RAD54L2: variants seen among roughly 807,000 people sequenced by gnomAD.
RAD54L2 encodes the protein helicase ARIP4.
A neutral mutation model predicts 138.4 loss-of-function variants in RAD54L2; 27 were observed. That is an observed-to-expected ratio of 0.20 (90% confidence interval 0.14 to 0.27). The LOEUF is 0.27. Ranked by LOEUF, RAD54L2 falls within the 10% of genes least tolerant of loss-of-function variation. RAD54L2 has a pLI of 1.00. For missense variants in RAD54L2, 1,396 were observed against 1,890.2 expected (o/e 0.74, Z 4.85); for synonymous variants, 644 against 723.2 (o/e 0.89, Z 1.76).
intron 3 of RAD54L2, among the ~76,000 whole-genome samples, chr3:51,626,161 C>T (rs1700674902): frequency 1.3e-5 from 2 of 152,028 alleles, no homozygotes; most frequent in Admixed American, 6.6e-5. Context: ...ATGGCATTGT[C>T]TAGAGCACCT....
intron 2 of RAD54L2, among the ~76,000 whole-genome samples, chr3:51,549,325 G>A (rs1206169545): frequency 6.6e-6 from 1 of 152,258 alleles, no homozygotes; most frequent in African/African-American, 2.4e-5. Flanking sequence ...AGAGCTGGCT[G>A]CTGGAGGAAC....
At chr3:51,550,326 C>T (rs919530747) in intron 2 of RAD54L2, among the ~76,000 whole-genome samples, 2 of 152,176 alleles carry the variant, frequency 1.3e-5, no homozygotes, top group Non-Finnish European at 2.9e-5. Context: ...ACCATACTTT[C>T]GTCATCCAGT....
chr3:51,566,143 G>A (rs1255494221), intron 2 of RAD54L2, among the ~76,000 whole-genome samples: 1 of 152,148 alleles, frequency 6.6e-6, no homozygotes, highest in African/African-American at 2.4e-5. Context: ...CTCCCTTTAT[G>A]TCTAGTAGTT....
chr3:51,578,669 A>G (rs1368098686), intron 2 of RAD54L2, among the ~76,000 whole-genome samples: 3 of 152,096 alleles, frequency 2.0e-5, no homozygotes, highest in Non-Finnish European at 2.9e-5. Flanking sequence ...TGGGTGCAGG[A>G]GCTGGGGCTA....
At chr3:51,650,048 G>A (rs563049835) in intron 19 of RAD54L2, among the ~76,000 whole-genome samples, 11 of 147,468 alleles carry the variant, frequency 7.5e-5, no homozygotes, top group South Asian at 4.2e-4. Context: ...CCCATCTCAC[G>A]TGCAGAGACA....
At position 51,584,250 on chromosome 3, in the gene RAD54L2, G is replaced by A. The variant is rs144782513; in HGVS notation, c.-54-6117G>A. Among the ~76,000 whole-genome samples the A allele has an allele frequency of 1.6e-3, 251 of 152,256 alleles. 2 individuals carry two copies. Among genetic ancestry groups the A allele is most frequent in the African/African-American group, 5.8e-3 (239 of 41,560 alleles). On this transcript the variant is annotated intron_variant, in intron 2 of 22. Transcript: ENST00000684192. ...TCTTTTGGAGGTAGTTGTCTCCTGT[G>A]GAGAGAGTTGTCTTCTGTGGCCCTG... is the stretch of plus-strand genomic sequence containing the variant.
intron 2 of RAD54L2, among the ~76,000 whole-genome samples, chr3:51,577,219 A>G (rs1425354914): frequency 6.6e-6 from 1 of 152,292 alleles, no homozygotes; most frequent in East Asian, 1.9e-4. Context: ...ACAGTTTGTT[A>G]TAATTTCTGT....
chr3:51,576,187 G>A (rs2106676618), intron 2 of RAD54L2, among the ~76,000 whole-genome samples: 1 of 152,278 alleles, frequency 6.6e-6, no homozygotes, highest in South Asian at 2.1e-4. Context: ...TTGCATCCCA[G>A]GGATGAAACC....
intron 2 of RAD54L2, among the ~76,000 whole-genome samples, chr3:51,574,221 A>G (rs1390816565): frequency 6.6e-6 from 1 of 152,298 alleles, no homozygotes; most frequent in East Asian, 1.9e-4. Flanking sequence ...TATGTGTACC[A>G]CATTCTCTTA....
In RAD54L2 at chr3:51,663,432, C is replaced by T; in HGVS notation, c.*12C>T. On this transcript the variant is annotated 3_prime_UTR_variant, in exon 23 of 23. Coordinates refer to ENST00000684192, the MANE Select transcript of RAD54L2 (RefSeq NM_015106.4). ...TCACTGGGAAATAGCTAGGGAGCCC[C>T]TCCCCACCTCACTTGGGGCCCCCAG... 6.2e-7 allele frequency: 1 copy of T among 1,603,112 alleles called. No homozygotes were observed. The highest frequency in any genetic ancestry group is 8.5e-7 in the Non-Finnish European group (1 of 1,172,322).
chr3:51,659,371 C>T (rs963530691), intron 21 of RAD54L2, among the ~76,000 whole-genome samples: 8 of 152,144 alleles, frequency 5.3e-5, no homozygotes, highest in Admixed American at 1.3e-4. Context: ...TCCCAAAATG[C>T]TGGGATTACA....
chr3:51,565,738 G>C lies in RAD54L2; in HGVS notation c.-55+24088G>C, dbSNP rs184571078. Among the ~76,000 whole-genome samples the C allele has an allele frequency of 3.2e-3, 494 of 152,124 alleles. 8 individuals are homozygous for C. Among genetic ancestry groups the C allele is most frequent in the African/African-American group, 0.011 (446 of 41,486 alleles). ...TCCGCCCGTCTCGGCCTGCCAAAGT[G>C]CTGGGATTACAGGCGTGAGCCACTG... On this transcript the variant is annotated intron_variant, in intron 2 of 22. Coordinates refer to ENST00000684192, the MANE Select transcript of RAD54L2 (RefSeq NM_015106.4).
At chr3:51,633,492 T>A in intron 7 of RAD54L2, 85 bp from the exon 8 acceptor site, 1 of 1,340,118 alleles carries the variant, frequency 7.5e-7, no homozygotes, top group Non-Finnish European at 1.0e-6. Context: ...CTCACTTACT[T>A]AATTCTTACT....
At chr3:51,595,068 G>A (rs552477032) in intron 3 of RAD54L2, among the ~76,000 whole-genome samples, 3 of 151,894 alleles carry the variant, frequency 2.0e-5, no homozygotes, top group Non-Finnish European at 2.9e-5. Flanking sequence ...GTTTTACCAT[G>A]TTGGCCAGGC....
chr3:51,631,822 C>T (rs997227141), intron 7 of RAD54L2, among the ~76,000 whole-genome samples: 1 of 151,846 alleles, frequency 6.6e-6, no homozygotes, highest in Non-Finnish European at 1.5e-5. Flanking sequence ...TTTGTAGAGA[C>T]GAGGTCTCAC....
chr3:51,547,009 A>G lies in RAD54L2; in HGVS notation c.-55+5359A>G, dbSNP rs550622613. On this transcript the variant is annotated intron_variant, in intron 2 of 22. Coordinates refer to ENST00000684192, the MANE Select transcript of RAD54L2 (RefSeq NM_015106.4). The stretch of plus-strand genomic sequence containing the variant: ...TCACCACTGCACTCCAACCTGGGCA[A>G]CAGAGTGAAACTTGACTCTGTCTTT... Among the ~76,000 whole-genome samples the G allele has an allele frequency of 1.4e-4, 22 of 152,148 alleles. No individual in the cohort carries two copies. The South Asian group carries it at 4.4e-3, about 30-fold the overall frequency.
At chr3:51,589,276 G>A (rs950473233) in intron 2 of RAD54L2, among the ~76,000 whole-genome samples, 3 of 152,098 alleles carry the variant, frequency 2.0e-5, no homozygotes, top group Non-Finnish European at 4.4e-5. Context: ...TGTGCCTGTC[G>A]TCCTAGCTAC....
intron 3 of RAD54L2, among the ~76,000 whole-genome samples, chr3:51,604,573 G>C (rs1700139772): frequency 6.6e-6 from 1 of 152,200 alleles, no homozygotes; most frequent in Admixed American, 6.6e-5. Context: ...TTAGGGCTTT[G>C]TGAGGTAAAT....
chr3:51,575,781 T>G (rs138332263), intron 2 of RAD54L2, among the ~76,000 whole-genome samples: 1,641 of 152,304 alleles, frequency 0.011, 41 homozygotes, highest in African/African-American at 0.036. Context: ...TATACAATCA[T>G]GTCATCTGCA....
Sources: gnomAD v4.1 joint callset for allele counts (sites outside exome capture counted in the v4.1 genomes callset) on GRCh38, gnomAD v4.1.1 for gene constraint, MANE v1.5 for transcripts, NCBI Gene and HGNC (gene_info 2026-07-23, HGNC 2026-07-21) for gene names.